ANKRD36B: variants seen among roughly 807,000 people sequenced by gnomAD.
ANKRD36B encodes ankyrin repeat domain 36B.
In ANKRD36B, 37 loss-of-function variants were observed where a neutral mutation model predicts 135.7. The observed-to-expected ratio is 0.27, with a 90% confidence interval of 0.21 to 0.36. The LOEUF (loss-of-function observed/expected upper bound fraction) is 0.36, where lower values mean the gene tolerates loss of function less well. Ranked by LOEUF, ANKRD36B falls within the 10% of genes least tolerant of loss-of-function variation. The pLI is 1.00. For missense variants in ANKRD36B, 549 were observed against 1,037.1 expected, an observed-to-expected ratio of 0.53 and a Z score of 6.46; for synonymous variants, 179 against 348.1, an observed-to-expected ratio of 0.51 and a Z score of 5.41.
At chr2:97,527,503 G>C (rs2078282607) in intron 35 of ANKRD36B, among the ~76,000 whole-genome samples, 1 of 91,518 alleles carries the variant, frequency 1.1e-5, no homozygotes, top group South Asian at 2.5e-4. Context: ...TAACTAACGA[G>C]CAAAATAACT....
chr2:97,546,195 T>A (rs905530975), intron 22 of ANKRD36B, among the ~76,000 whole-genome samples: 6 of 151,742 alleles, frequency 4.0e-5, no homozygotes, highest in Non-Finnish European at 8.9e-5. Flanking sequence ...CACGTGAGAA[T>A]CAATGTCAAA....
In ANKRD36B at chr2:97,555,207, T is replaced by C; in HGVS notation, c.1098+19A>G. The C allele has an allele frequency of 6.2e-7, 1 of 1,611,208 alleles. No homozygotes were observed. The highest frequency in any genetic ancestry group is 1.1e-5 in the South Asian group (1 of 90,974). On this transcript the variant is annotated intron_variant, in intron 13 of 43. Transcript: ENST00000359901. Reference sequence around the variant, plus strand: ...ACTATACAGTTACTAATACAAAATATAAATGAGAATTTAATTACCTTTGAG... The same window carrying C: ...ACTATACAGTTACTAATACAAAATACAAATGAGAATTTAATTACCTTTGAG...
chr2:97,575,414 G>A (rs1459531833), intron 6 of ANKRD36B, among the ~76,000 whole-genome samples: 5 of 152,032 alleles, frequency 3.3e-5, no homozygotes, highest in Non-Finnish European at 7.4e-5. Flanking sequence ...TCCATTCAGT[G>A]AACACGTCCT....
At chr2:97,571,783 C>A (rs1258367715) in intron 6 of ANKRD36B, among the ~76,000 whole-genome samples, 1 of 152,272 alleles carries the variant, frequency 6.6e-6, no homozygotes, top group African/African-American at 2.4e-5. Context: ...TGTTTCTAAT[C>A]TTTTTTCTTA....
intron 6 of ANKRD36B, among the ~76,000 whole-genome samples, chr2:97,575,613 A>T (rs896765620): frequency 1.1e-4 from 14 of 127,576 alleles, no homozygotes; most frequent in Admixed American, 3.1e-4. Flanking sequence ...TCCTAGATCA[A>T]CATGGCCTCT....
chr2:97,575,130 C>T (rs2082141413), intron 6 of ANKRD36B, among the ~76,000 whole-genome samples: 1 of 151,552 alleles, frequency 6.6e-6, no homozygotes, highest in Admixed American at 6.6e-5. Flanking sequence ...TTTATTTTTG[C>T]AACATCACTT....
chr2:97,576,688 G>A (rs2082257562), intron 5 of ANKRD36B, among the ~76,000 whole-genome samples: 2 of 151,026 alleles, frequency 1.3e-5, no homozygotes, highest in South Asian at 4.2e-4. Context: ...TTGACATAAT[G>A]GAAAGTCACC....
chr2:97,554,228 A>C (rs2080296470), intron 14 of ANKRD36B, among the ~76,000 whole-genome samples: 1 of 151,896 alleles, frequency 6.6e-6, no homozygotes, highest in Non-Finnish European at 1.5e-5. Flanking sequence ...TGTTTTTAAA[A>C]TTGTCTTGTT....
intron 19 of ANKRD36B, 41 bp from the exon 20 acceptor site, chr2:97,549,532 T>C: frequency 6.2e-7 from 1 of 1,605,554 alleles, no homozygotes; most frequent in East Asian, 2.3e-5. Flanking sequence ...AAATAAAGTA[T>C]GTTTCATAGA....
At chr2:97,585,655 T>C (rs1374275175) in intron 1 of ANKRD36B, among the ~76,000 whole-genome samples, 1 of 152,216 alleles carries the variant, frequency 6.6e-6, no homozygotes, top group Non-Finnish European at 1.5e-5. Flanking sequence ...TTTGCTTCAA[T>C]TTCCTTATCA....
chr2:97,555,820 T>A (rs2080472668), intron 12 of ANKRD36B, among the ~76,000 whole-genome samples: 1 of 151,950 alleles, frequency 6.6e-6, no homozygotes, highest in South Asian at 2.1e-4. Context: ...GTATTCATTA[T>A]TTATAATACC....
At chr2:97,561,576 A>G (rs528631682) in intron 6 of ANKRD36B, among the ~76,000 whole-genome samples, 4 of 152,064 alleles carry the variant, frequency 2.6e-5, no homozygotes, top group South Asian at 2.1e-4. Flanking sequence ...CAAATTTGAC[A>G]TACTTTTACA....
intron 6 of ANKRD36B, among the ~76,000 whole-genome samples, chr2:97,569,868 C>T (rs1296145692): frequency 6.6e-6 from 1 of 151,796 alleles, no homozygotes; most frequent in Admixed American, 6.6e-5. Context: ...TATATAAAAG[C>T]ACATAAAGCA....
intron 35 of ANKRD36B, among the ~76,000 whole-genome samples, chr2:97,525,447 T>A (rs1472996875): frequency 1.0e-5 from 1 of 96,862 alleles, no homozygotes; most frequent in Admixed American, 9.1e-5. Flanking sequence ...TAGGAACAGC[T>A]CTGGTCTACA....
intron 6 of ANKRD36B, among the ~76,000 whole-genome samples, chr2:97,566,372 A>C (rs1486631680): frequency 6.6e-6 from 1 of 152,102 alleles, no homozygotes; most frequent in Non-Finnish European, 1.5e-5. Flanking sequence ...CTTATAGGAA[A>C]AAAAGTATAA....
In ANKRD36B at chr2:97,554,051, T is replaced by C. The variant is rs137995603; in HGVS notation, c.1172-680A>G. Among the ~76,000 whole-genome samples, 266 of 152,090 alleles carry C rather than the reference T, an allele frequency of 1.7e-3. 3 individuals are homozygous for C. The highest frequency in any genetic ancestry group is 6.1e-3 in the African/African-American group (252 of 41,540). On this transcript the variant is annotated intron_variant, in intron 14 of 43. Coordinates refer to ENST00000359901, the MANE Select transcript of ANKRD36B (RefSeq NM_001393939.1). ...CCACTCATGGCAACAAAGTATAATA[T>C]ATAAACCTCAATAAAAAGCATCATC...
At chr2:97,555,178 A>T (rs559821229) in intron 13 of ANKRD36B, 46 bp from the exon 14 acceptor site, 1 of 1,611,372 alleles carries the variant, frequency 6.2e-7, no homozygotes, top group South Asian at 1.1e-5. Context: ...AGTATGTTTC[A>T]TGGACTATAC....
chr2:97,552,288 T>C (rs889131701), intron 16 of ANKRD36B, among the ~76,000 whole-genome samples: 1 of 151,950 alleles, frequency 6.6e-6, no homozygotes, highest in African/African-American at 2.4e-5. Flanking sequence ...ATGACCATTT[T>C]AGGAGTTAGT....
chr2:97,564,405 G>A (rs1309550216), intron 6 of ANKRD36B, among the ~76,000 whole-genome samples: 1 of 151,978 alleles, frequency 6.6e-6, no homozygotes, highest in African/African-American at 2.4e-5. Flanking sequence ...GTCAATTTTG[G>A]CTTTTGTTGA....
Sources: gnomAD v4.1 joint callset for allele counts (sites outside exome capture counted in the v4.1 genomes callset) on GRCh38, gnomAD v4.1.1 for gene constraint, MANE v1.5 for transcripts, NCBI Gene and HGNC (gene_info 2026-07-23, HGNC 2026-07-21) for gene names.